Variants in SMCO4 observed in about 807,000 individuals in gnomAD.
SMCO4 encodes the protein single-pass membrane and coiled-coil domain-containing protein 4.
Under a neutral mutation model 3.6 loss-of-function variants are expected in SMCO4, and 4 were observed. That is an observed-to-expected ratio of 1.11 (90% CI 0.54 to 2.53). SMCO4 has a LOEUF of 2.53. Among genes scored for constraint, SMCO4 ranks in the 30% most tolerant of loss-of-function variants. The pLI is 0.02. For synonymous variants in SMCO4, 36 were observed against 35.3 expected, an observed-to-expected ratio of 1.02 and a Z score of -0.07; for missense variants, 70 against 80.8, an observed-to-expected ratio of 0.87 and a Z score of 0.51.
intron 1 of SMCO4, among the ~76,000 whole-genome samples, chr11:93,539,951 A>G (rs1175657414): frequency 6.6e-6 from 1 of 151,088 alleles, no homozygotes; most frequent in Non-Finnish European, 1.5e-5. Flanking sequence ...GTCCAACAAA[A>G]TTAATTTAAA....
intron 2 of SMCO4, among the ~76,000 whole-genome samples, chr11:93,487,390 C>A (rs1220792482): frequency 6.6e-6 from 1 of 152,138 alleles, no homozygotes; most frequent in African/African-American, 2.4e-5. Flanking sequence ...CTCCCTGCTG[C>A]CGACAGGCCA....
intron 2 of SMCO4, among the ~76,000 whole-genome samples, chr11:93,491,356 T>C (rs1023770280): frequency 6.6e-6 from 1 of 152,220 alleles, no homozygotes; most frequent in African/African-American, 2.4e-5. Flanking sequence ...AAGAATAAAA[T>C]TTCCTTTGGC....
chr11:93,551,648 C>T, the SMCO4 span, among the ~76,000 whole-genome samples: 2 of 152,224 alleles, frequency 1.3e-5, no homozygotes, highest in East Asian at 3.8e-4. Flanking sequence ...TGCACCTAAA[C>T]TGTCAGTGCC....
chr11:93,547,472 C>T (rs541704194), upstream of SMCO4, among the ~76,000 whole-genome samples: 3 of 152,178 alleles, frequency 2.0e-5, no homozygotes, highest in Non-Finnish European at 2.9e-5. Flanking sequence ...ATCTGTTGCA[C>T]GCTTTCATGA....
upstream of SMCO4, among the ~76,000 whole-genome samples, chr11:93,544,468 T>C (rs2134647455): frequency 1.3e-5 from 2 of 152,262 alleles, 1 homozygote; most frequent in Middle Eastern, 6.8e-3. Flanking sequence ...TTTTGAAGAA[T>C]TGTGGAACCC....
At chr11:93,531,889 GA>G (rs1313032075) in intron 1 of SMCO4, among the ~76,000 whole-genome samples, 1 of 152,174 alleles carries the variant, frequency 6.6e-6, no homozygotes, top group African/African-American at 2.4e-5. Context: ...AGGCTAATCA[GA>G]AACTCAGAAG....
At chr11:93,512,299 C>T (rs978435723) in intron 1 of SMCO4, among the ~76,000 whole-genome samples, 1 of 152,176 alleles carries the variant, frequency 6.6e-6, no homozygotes, top group Non-Finnish European at 1.5e-5. Flanking sequence ...TGAAAACGTC[C>T]TATTGTCCAA....
chr11:93,483,340 G>A (rs1275208270), intron 2 of SMCO4, among the ~76,000 whole-genome samples: 3 of 152,174 alleles, frequency 2.0e-5, no homozygotes, highest in African/African-American at 4.8e-5. Context: ...TGCACCGGGC[G>A]GCCTCCTGGG....
intron 2 of SMCO4, among the ~76,000 whole-genome samples, chr11:93,484,596 C>G (rs1220617696): frequency 1.3e-5 from 2 of 152,178 alleles, no homozygotes; most frequent in South Asian, 2.1e-4. Flanking sequence ...ACAGGCCATA[C>G]CAGAGGCTCA....
chr11:93,540,071 C>T (rs1464004862), intron 1 of SMCO4, among the ~76,000 whole-genome samples: 2 of 152,070 alleles, frequency 1.3e-5, no homozygotes, highest in African/African-American at 4.8e-5. Flanking sequence ...TTTTCAATTC[C>T]CTTGGACAAG....
chr11:93,517,954 T>C (rs774503937), intron 1 of SMCO4, among the ~76,000 whole-genome samples: 5 of 152,262 alleles, frequency 3.3e-5, no homozygotes, highest in Non-Finnish European at 7.3e-5. Context: ...TGAAATGAAA[T>C]GCATATAACA....
rs546032233 is a variant in SMCO4, at chr11:93,515,640, C to G, written c.-153-16292G>C. Among the ~76,000 whole-genome samples the G allele has an allele frequency of 2.0e-5, 3 of 152,280 alleles. No individual in the cohort carries two copies. The East Asian group carries it at 5.8e-4, about 29-fold the overall frequency. On this transcript the variant is annotated intron_variant, in intron 1 of 2. Coordinates refer to ENST00000298966, the MANE Select transcript of SMCO4 (RefSeq NM_020179.3). ...TCTGCTTCTCTCTGCCTACAAGTTCCTCCTACTCCAAGCCAGCTGCAGCAA... is the reference window on the plus strand; with the variant it reads ...TCTGCTTCTCTCTGCCTACAAGTTCGTCCTACTCCAAGCCAGCTGCAGCAA...
At chr11:93,483,813 C>G (rs1366729377) in intron 2 of SMCO4, among the ~76,000 whole-genome samples, 7 of 152,244 alleles carry the variant, frequency 4.6e-5, no homozygotes, top group Admixed American at 3.9e-4. Context: ...GTCAAACCCA[C>G]ATCTGTGACT....
intron 2 of SMCO4, among the ~76,000 whole-genome samples, chr11:93,489,112 A>G (rs992008244): frequency 2.0e-5 from 3 of 152,110 alleles, no homozygotes; most frequent in Admixed American, 1.3e-4. Flanking sequence ...GACTGCAGTA[A>G]ACAAGAGCAC....
intron 1 of SMCO4, among the ~76,000 whole-genome samples, chr11:93,531,593 C>CT (rs1428253547): frequency 2.6e-5 from 4 of 152,202 alleles, no homozygotes; most frequent in Admixed American, 1.3e-4. Context: ...CTGCAGAACT[C>CT]TAACACAATG....
intron 2 of SMCO4, among the ~76,000 whole-genome samples, chr11:93,484,424 A>G (rs2608273): frequency 0.69 from 105,544 of 152,122 alleles, 37,054 homozygotes; most frequent in East Asian, 0.99. Context: ...GTTTGAAGTC[A>G]GGTTTGTGCC....
chr11:93,546,599 A>G (rs931456585), upstream of SMCO4, among the ~76,000 whole-genome samples: 1 of 152,230 alleles, frequency 6.6e-6, no homozygotes, highest in Non-Finnish European at 1.5e-5. Flanking sequence ...AAATCATCAG[A>G]GCCTTACAAA....
chr11:93,505,585 G>T (rs1419996977), intron 1 of SMCO4, among the ~76,000 whole-genome samples: 1 of 152,086 alleles, frequency 6.6e-6, no homozygotes, highest in African/African-American at 2.4e-5. Context: ...GCCAAAAAAA[G>T]AAGTTTCACA....
At chr11:93,513,934 T>C (rs1326557336) in intron 1 of SMCO4, among the ~76,000 whole-genome samples, 1 of 152,164 alleles carries the variant, frequency 6.6e-6, no homozygotes, top group African/African-American at 2.4e-5. Flanking sequence ...AAAGCACTAA[T>C]CACATTTAAT....
Sources: allele counts gnomAD v4.1 joint callset (sites outside exome capture counted in the v4.1 genomes callset), GRCh38; gene constraint gnomAD v4.1.1; transcripts MANE v1.5; gene names NCBI Gene and HGNC (gene_info 2026-07-23, HGNC 2026-07-21).